The following SEPTIN11 variants were observed in gnomAD, a reference collection of about 807,000 sequenced individuals.
The protein encoded by SEPTIN11 is septin 11.
Under a neutral mutation model 51.4 loss-of-function variants are expected in SEPTIN11, and 25 were observed. The observed-to-expected ratio is 0.49, with a 90% CI of 0.35 to 0.68. SEPTIN11 has a LOEUF of 0.68. SEPTIN11 is among the 30% of genes least tolerant of loss of function. The pLI is 0.00. For missense variants in SEPTIN11, 381 were observed against 520.8 expected (o/e 0.73, Z 2.61); for synonymous variants, 174 against 184.1 (o/e 0.95, Z 0.44).
At chr4:77,039,545 C>G (rs1177743815), downstream of SEPTIN11, 1 of 985,194 alleles carries the variant, frequency 1.0e-6, no homozygotes, top group Non-Finnish European at 1.2e-6. Context: ...GAGCCACATT[C>G]TGAACAGCCT....
intron 5 of SEPTIN11, among the ~76,000 whole-genome samples, chr4:77,015,218 A>G (rs1725136455): frequency 6.6e-6 from 1 of 152,160 alleles, no homozygotes; most frequent in Non-Finnish European, 1.5e-5. Context: ...AGACAAGATG[A>G]TCTCAAATTT....
chr4:77,002,158 T>G (rs769873510), intron 2 of SEPTIN11, among the ~76,000 whole-genome samples: 1 of 152,200 alleles, frequency 6.6e-6, no homozygotes, highest in Non-Finnish European at 1.5e-5. Context: ...CACCAAAGTT[T>G]AGAGGAACAG....
At chr4:77,011,291 T>C (rs1201878266) in intron 3 of SEPTIN11, among the ~76,000 whole-genome samples, 1 of 152,152 alleles carries the variant, frequency 6.6e-6, no homozygotes, top group Admixed American at 6.5e-5. Context: ...CAGTCACTTT[T>C]CTGAGATGGA....
rs1416891680 is a variant in SEPTIN11, at chr4:77,037,942, A to T, written c.*3430A>T. Reference sequence around the variant, plus strand: ...TCCACATCTTGTGCACCTCAAATGAACAGACTTGGTTTCCTTGCTTTCTTG... The same window carrying T: ...TCCACATCTTGTGCACCTCAAATGATCAGACTTGGTTTCCTTGCTTTCTTG... On this transcript the variant is annotated 3_prime_UTR_variant, in exon 10 of 10. Coordinates refer to ENST00000264893, the MANE Select transcript of SEPTIN11 (RefSeq NM_018243.4). The T allele has an allele frequency of 1.0e-6, 1 of 985,802 alleles. No homozygotes were observed. Among genetic ancestry groups the T allele is most frequent in the East Asian group, 1.1e-4 (1 of 8,832 alleles). 61.1% of individuals were successfully genotyped at this position (985,802 alleles called of 1,614,324 possible). A position where few individuals can be genotyped will look rare whatever the true frequency, so the allele number is the denominator to read the frequency against.
At chr4:76,986,143 G>C (rs540588730) in intron 1 of SEPTIN11, among the ~76,000 whole-genome samples, 1 of 152,278 alleles carries the variant, frequency 6.6e-6, no homozygotes, top group African/African-American at 2.4e-5. Flanking sequence ...TAAACAGTGG[G>C]CTTTTTTTCT....
intron 1 of SEPTIN11, chr4:76,959,152 C>T (rs1261457675): frequency 1.9e-6 from 1 of 524,506 alleles, no homozygotes; most frequent in South Asian, 1.8e-5. Context: ...CAACCTTGCT[C>T]TTGATCGTTT....
chr4:76,981,520 C>A (rs1722769746), intron 1 of SEPTIN11, among the ~76,000 whole-genome samples: 1 of 152,234 alleles, frequency 6.6e-6, no homozygotes, highest in South Asian at 2.1e-4. Context: ...CTTTCTCTTA[C>A]ACCTAGGTGG....
chr4:77,039,221 T>A (rs1178377348), downstream of SEPTIN11: 2 of 1,244,266 alleles, frequency 1.6e-6, no homozygotes, highest in Non-Finnish European at 2.1e-6. Context: ...AAAGTCTGGG[T>A]CAAATATTGC....
intron 1 of SEPTIN11, chr4:76,959,269 A>T (rs2645685): frequency 0.6 from 87,759 of 146,128 alleles, 25,484 homozygotes; most frequent in Admixed American, 0.64. Flanking sequence ...TTTTTTTTTT[A>T]AAAATAATAA....
intron 3 of SEPTIN11, among the ~76,000 whole-genome samples, chr4:77,006,785 G>A (rs1724504609): frequency 6.6e-6 from 1 of 152,110 alleles, no homozygotes; most frequent in Admixed American, 6.6e-5. Flanking sequence ...GTTTTGTAAA[G>A]AGGAACTCGA....
At chr4:76,996,598 G>A (rs984933562) in intron 2 of SEPTIN11, 59 bp downstream of exon 2, 1 of 1,206,606 alleles carries the variant, frequency 8.3e-7, no homozygotes, top group Non-Finnish European at 1.2e-6. Context: ...ACAGGTAACT[G>A]TCGGAGAGAC....
chr4:77,021,410 G>A, intron 7 of SEPTIN11: 1 of 152,904 alleles, frequency 6.5e-6, no homozygotes, highest in Non-Finnish European at 1.5e-5. Flanking sequence ...AGGCTGCCAG[G>A]CCAGGTTCAC....
At chr4:76,989,137 A>T (rs1723208588) in intron 1 of SEPTIN11, among the ~76,000 whole-genome samples, 1 of 152,224 alleles carries the variant, frequency 6.6e-6, no homozygotes, top group African/African-American at 2.4e-5. Flanking sequence ...CACTTTACAG[A>T]GGAGGAAACA....
chr4:76,958,265 G>A (rs746184165), intron 1 of SEPTIN11, among the ~76,000 whole-genome samples: 1 of 152,202 alleles, frequency 6.6e-6, no homozygotes, highest in Non-Finnish European at 1.5e-5. Context: ...TGACCTTTGT[G>A]CACTTCTGGA....
At chr4:76,997,439 A>G (rs1723800291) in intron 2 of SEPTIN11, among the ~76,000 whole-genome samples, 1 of 152,210 alleles carries the variant, frequency 6.6e-6, no homozygotes, top group African/African-American at 2.4e-5. Flanking sequence ...CTTATTTGTC[A>G]GTTATGGAAG....
At chr4:76,988,049 A>G (rs1329975613) in intron 1 of SEPTIN11, among the ~76,000 whole-genome samples, 2 of 152,152 alleles carry the variant, frequency 1.3e-5, no homozygotes, top group Admixed American at 1.3e-4. Flanking sequence ...ACCTTCTCCC[A>G]TCAGGTACTG....
intron 7 of SEPTIN11, among the ~76,000 whole-genome samples, chr4:77,025,316 C>T (rs568885131): frequency 1.7e-3 from 258 of 152,196 alleles, no homozygotes; most frequent in African/African-American, 4.9e-3. Flanking sequence ...GTAGGAGGAT[C>T]ACCTGAGCTC....
chr4:77,016,637 T>TATATATATACAC (rs1560736340), intron 5 of SEPTIN11, among the ~76,000 whole-genome samples: 2 of 93,544 alleles, frequency 2.1e-5, no homozygotes, highest in South Asian at 7.0e-4. Flanking sequence ...TATACACATA[T>TATATATATACAC]ATATATATAT....
At chr4:77,034,449 T>A (rs1188753177) in intron 9 of SEPTIN11, 48 bp from the exon 10 acceptor site, 2 of 1,450,008 alleles carry the variant, frequency 1.4e-6, no homozygotes, top group Non-Finnish European at 1.8e-6. Flanking sequence ...CCTTTCTTTT[T>A]AATTTATTAT....
Sources: gnomAD v4.1 joint callset for allele counts (sites outside exome capture counted in the v4.1 genomes callset) on GRCh38, gnomAD v4.1.1 for gene constraint, MANE v1.5 for transcripts, NCBI Gene and HGNC (gene_info 2026-07-23, HGNC 2026-07-21) for gene names.